Variants in ATP11C observed in about 807,000 individuals in gnomAD.
The protein encoded by ATP11C is phospholipid-transporting ATPase IG.
ATP11C carries 36 observed loss-of-function variants against 97.4 expected under a neutral mutation model. The observed-to-expected ratio is 0.37, with a 90% CI of 0.28 to 0.49. The LOEUF (loss-of-function observed/expected upper bound fraction) is 0.49, where lower values mean the gene tolerates loss of function less well. Among genes scored for constraint, ATP11C ranks in the 20% least tolerant of loss-of-function variants. The pLI, the probability that ATP11C is intolerant of heterozygous loss-of-function variation, is 0.98. For missense variants in ATP11C, 730 were observed against 824.6 expected (o/e 0.89, Z 1.40); for synonymous variants, 275 against 290.9 (o/e 0.95, Z 0.56).
intron 1 of ATP11C, among the ~76,000 whole-genome samples, chrX:139,868,347 G>C (rs950984792): frequency 9.0e-6 from 1 of 111,135 alleles, no homozygotes; most frequent in East Asian, 2.8e-4. Flanking sequence ...TCAACAGAAC[G>C]AATAGGCAAC....
intron 1 of ATP11C, among the ~76,000 whole-genome samples, chrX:139,874,521 T>G (rs867457005): frequency 1.8e-5 from 2 of 112,129 alleles, no homozygotes; most frequent in Non-Finnish European, 3.8e-5. Flanking sequence ...TTTGTTCCCA[T>G]TTTGGCAAAA....
At chrX:139,841,938 G>T (rs1240338642) in intron 1 of ATP11C, among the ~76,000 whole-genome samples, 2 of 112,217 alleles carry the variant, frequency 1.8e-5, no homozygotes, top group Non-Finnish European at 3.8e-5. Context: ...ACCTTATCAG[G>T]TTATAACTCA....
chrX:139,881,170 T>C (rs763374512), intron 1 of ATP11C, among the ~76,000 whole-genome samples: 3 of 111,645 alleles, frequency 2.7e-5, no homozygotes, highest in Non-Finnish European at 5.6e-5. Context: ...CATTATCTGA[T>C]TGAAACCTCA....
chrX:139,934,475 A>G (rs1330372613), upstream of ATP11C, among the ~76,000 whole-genome samples: 2 of 110,931 alleles, frequency 1.8e-5, no homozygotes, highest in African/African-American at 6.5e-5. Flanking sequence ...TTTTATTGAC[A>G]AAAGAGATCT....
chrX:139,739,029 G>T (rs1048923870), intron 27 of ATP11C, among the ~76,000 whole-genome samples: 3 of 111,341 alleles, frequency 2.7e-5, no homozygotes, highest in Non-Finnish European at 5.7e-5. Context: ...CTACTTTTAT[G>T]AAAATTAGAT....
At chrX:139,821,920 C>G (rs906494619) in intron 2 of ATP11C, among the ~76,000 whole-genome samples, 2 of 111,889 alleles carry the variant, frequency 1.8e-5, no homozygotes, top group African/African-American at 6.5e-5. Context: ...TAATGCAGAC[C>G]AAGAAAAGTC....
chrX:139,736,619 A>G (rs764100893), intron 28 of ATP11C, among the ~76,000 whole-genome samples: 7 of 111,840 alleles, frequency 6.3e-5, no homozygotes, highest in Non-Finnish European at 1.1e-4. Context: ...TTCAACCGAT[A>G]TTAAGACATA....
At position 139,728,935 on chromosome X, in the gene ATP11C, A is replaced by G; in HGVS notation, c.*31T>C. 1.7e-6 allele frequency: 2 copies of G among 1,203,678 alleles called. No individual in the cohort carries two copies. The highest frequency in any genetic ancestry group is 2.2e-6 in the Non-Finnish European group (2 of 889,270). On this transcript the variant is annotated 3_prime_UTR_variant, in exon 30 of 30. Transcript: ENST00000682941. Reference sequence around the variant, plus strand: ...CCACTGTCAGTATGCTTGTAGGACAATAACATAGGCAGTTCAAGATTCGGA... The same window carrying G: ...CCACTGTCAGTATGCTTGTAGGACAGTAACATAGGCAGTTCAAGATTCGGA...
At chrX:139,749,998 G>T in intron 24 of ATP11C, 27 bp downstream of exon 24, 1 of 1,173,578 alleles carries the variant, frequency 8.5e-7, no homozygotes, top group East Asian at 3.0e-5. Flanking sequence ...AAAGTCTTAG[G>T]GGGTTTTAAC....
At chrX:139,854,640 G>A (rs988018092) in intron 1 of ATP11C, among the ~76,000 whole-genome samples, 1 of 112,280 alleles carries the variant, frequency 8.9e-6, no homozygotes, top group Non-Finnish European at 1.9e-5. Context: ...ATTTATGCAA[G>A]AAATGTTGTA....
intron 1 of ATP11C, among the ~76,000 whole-genome samples, chrX:139,841,022 A>T (rs2083821485): frequency 1.8e-5 from 2 of 112,188 alleles, no homozygotes; most frequent in Non-Finnish European, 3.8e-5. Flanking sequence ...AATAAAAAAA[A>T]TTTTTTTAAA....
rs559814318 is a variant in ATP11C, at chrX:139,829,339, A to G, written c.28-2516T>C. On this transcript the variant is annotated intron_variant, in intron 1 of 29. Transcript: ENST00000682941. ...GGCTGGTGGAATTTCCTGCAACTGTATAATAATATTTGGTTCACATAAAAA... is the reference window on the plus strand; with the variant it reads ...GGCTGGTGGAATTTCCTGCAACTGTGTAATAATATTTGGTTCACATAAAAA... 7.1e-5 allele frequency among the ~76,000 whole-genome samples: 8 copies of G among 111,890 alleles called. No homozygotes were observed. In the South Asian group the frequency reaches 1.8e-3, roughly 26 times the overall value.
chrX:139,896,373 TGTCA>T (rs1416576506), intron 1 of ATP11C, among the ~76,000 whole-genome samples: 2 of 110,595 alleles, frequency 1.8e-5, no homozygotes, highest in Non-Finnish European at 3.8e-5. Flanking sequence ...TCCTCTAAAC[TGTCA>T]GTCACCAAAA....
intron 1 of ATP11C, among the ~76,000 whole-genome samples, chrX:139,842,181 G>A (rs764918409): frequency 1.3e-4 from 15 of 112,225 alleles, no homozygotes; most frequent in Admixed American, 1.9e-4. Context: ...ACAGGCACCC[G>A]CCACCACACG....
chrX:139,834,617 G>C (rs2083719206), intron 1 of ATP11C, among the ~76,000 whole-genome samples: 1 of 112,310 alleles, frequency 8.9e-6, no homozygotes, highest in African/African-American at 3.2e-5. Flanking sequence ...ATAAAAAGAA[G>C]AGCACGACAA....
intron 1 of ATP11C, among the ~76,000 whole-genome samples, chrX:139,930,363 T>TAA (rs113839593): frequency 1.4e-3 from 129 of 94,430 alleles, no homozygotes; most frequent in African/African-American, 4.5e-3. Flanking sequence ...TTCAAATCCT[T>TAA]AAAAAAAAAA....
At chrX:139,829,599 G>A (rs1308199144) in intron 1 of ATP11C, among the ~76,000 whole-genome samples, 1 of 111,261 alleles carries the variant, frequency 9.0e-6, no homozygotes, top group Admixed American at 9.6e-5. Context: ...AATTCATTAG[G>A]AGTCCATCCT....
Position 139,802,242 on chromosome X carries a change from A to C in ATP11C, c.653T>G (p.Leu218Arg), listed in dbSNP as rs777893450. Residue 218 changes from leucine (L) to arginine (R), a missense_variant, in exon 7 of 30, where the codon CTC becomes CGC. Transcript: ENST00000682941. ...AIECEQPQPDLYKFVGRINIY... is the reference protein window; with the variant it reads ...AIECEQPQPDRYKFVGRINIY... ...GAAACCAGGTGATTCTTACTTGTAG[A>C]GGTCAGGTTGAGGCTGTTCACATTC... is the stretch of plus-strand genomic sequence containing the variant. 3 of 1,189,481 alleles carry C rather than the reference A, an allele frequency of 2.5e-6. No individual in the cohort carries two copies. The highest frequency in any genetic ancestry group is 3.5e-5 in the African/African-American group (2 of 56,830).
intron 1 of ATP11C, among the ~76,000 whole-genome samples, chrX:139,874,043 A>T (rs1441151556): frequency 2.2e-5 from 2 of 92,365 alleles, no homozygotes; most frequent in African/African-American, 1.0e-4. Flanking sequence ...GAAAACAACC[A>T]GGTTTTTTTT....
Sources: gnomAD v4.1 joint callset for allele counts (sites outside exome capture counted in the v4.1 genomes callset) on GRCh38, gnomAD v4.1.1 for gene constraint, MANE v1.5 for transcripts, NCBI Gene and HGNC (gene_info 2026-07-23, HGNC 2026-07-21) for gene names.